The following ITGA3 variants were observed in gnomAD, a reference collection of about 807,000 sequenced individuals.
The protein encoded by ITGA3 is integrin alpha-3.
In ITGA3, 70 loss-of-function variants were observed where a neutral mutation model predicts 131.1. The ratio of observed to expected loss-of-function variants is 0.53; its 90% CI spans 0.44 to 0.65. The LOEUF is 0.65. ITGA3 is among the 30% of genes least tolerant of loss of function. The pLI is 0.00. For missense variants in ITGA3, 1,098 were observed against 1,388.6 expected (o/e 0.79, Z 3.33); for synonymous variants, 537 against 571.6 (o/e 0.94, Z 0.86).
chr17:50,088,677 C>T (rs1909575729), intron 25 of ITGA3, among the ~76,000 whole-genome samples: 1 of 152,176 alleles, frequency 6.6e-6, no homozygotes, highest in South Asian at 2.1e-4. Flanking sequence ...TAAACCACAG[C>T]CATGTCCAGA....
intron 1 of ITGA3, among the ~76,000 whole-genome samples, chr17:50,059,418 C>T (rs1195319057): frequency 6.6e-6 from 1 of 152,152 alleles, no homozygotes; most frequent in Admixed American, 6.5e-5. Context: ...CTGGGAAGCC[C>T]AGGGCAGGGT....
Position 50,080,381 on chromosome 17 carries a change from T to C in ITGA3, c.2820+6T>C. On this transcript the variant is annotated splice_donor_region_variant and intron_variant, in intron 22 of 25. Transcript: ENST00000320031. Reference sequence around the variant, plus strand: ...GGAACAGCACCTTCATCGAGGTCAGTGCCTGGGTCTGAAGGTCTCTCCTAC... The same window carrying C: ...GGAACAGCACCTTCATCGAGGTCAGCGCCTGGGTCTGAAGGTCTCTCCTAC... 6.3e-7 allele frequency: 1 copy of C among 1,578,864 alleles called. No homozygotes were observed. Among genetic ancestry groups the C allele is most frequent in the Non-Finnish European group, 8.7e-7 (1 of 1,150,768 alleles).
rs1344563588 is a variant in ITGA3 at position 50,076,403 on chromosome 17, C to A, written c.1752C>A (p.Pro584=). The A allele has an allele frequency of 1.9e-6, 3 of 1,612,726 alleles. No homozygotes were observed. In the East Asian group the frequency reaches 6.7e-5, roughly 36 times the overall value. The change falls in exon 13 of 26, where the codon CCC becomes CCA. Residue 584 remains proline (P), a synonymous_variant. Transcript: ENST00000320031. The part of the protein sequence containing the change: ...YSLPLRMPDR[P]RLGLRSLDAY... ...TACCTTTGCGGATGCCCGATCGCCC[C>A]CGGCTGGGGCTGCGGTCCCTGGACG...
rs1362794303 is a variant in ITGA3 at position 50,077,117 on chromosome 17, G to T, written c.2066G>T (p.Arg689Leu). 1.9e-6 allele frequency: 3 copies of T among 1,545,482 alleles called. No homozygotes were observed. Among genetic ancestry groups the T allele is most frequent in the Admixed American group, 1.9e-5 (1 of 51,770 alleles). ...VPPALLLSSV[R>L]PPGACQANET... ...CCCGCCCTGCTGCTGTCCTCAGTGC[G>T]CCCCGTGAGTGCCCGCCGGCCGGCT... The change falls in exon 15 of 26, where the codon CGC becomes CTC. Residue 689 changes from arginine to leucine, a missense_variant. Around this residue, in one of 3 missense-constraint regions of ITGA3, gnomAD observed 699 missense variants for 829.2 expected, o/e 0.84. Coordinates refer to ENST00000320031, the MANE Select transcript of ITGA3 (RefSeq NM_002204.4).
Position 50,076,677 on chromosome 17 carries a change from A to G in ITGA3, c.1918A>G (p.Ser640Gly). The change falls in exon 14 of 26, where the codon AGC becomes GGC. Residue 640 changes from serine to glycine, a missense_variant. By Grantham distance (56) the Ser-to-Gly change is moderately conservative (BLOSUM62 0). Transcript: ENST00000320031. The part of the protein sequence containing the change: ...AFVSEQQQKL[S>G]RLQYSRDVRK... ...CGTGTCAGAGCAGCAGCAGAAGCTG[A>G]GCAGGTGGCTGTGGGCCGCCGGCCG... 1.2e-6 allele frequency: 2 copies of G among 1,610,244 alleles called. No homozygotes were observed. Among genetic ancestry groups the G allele is most frequent in the East Asian group, 2.2e-5 (1 of 44,716 alleles).
At chr17:50,075,788 G>A in intron 12 of ITGA3, 53 bp downstream of exon 12, 1 of 1,594,182 alleles carries the variant, frequency 6.3e-7, no homozygotes, top group South Asian at 1.1e-5. Context: ...TGGAGGAGGT[G>A]GCCAGTGTCC....
Position 50,064,419 on chromosome 17 carries a change from T to C in ITGA3, c.335-109T>C. 1 of 1,197,354 alleles carries C rather than the reference T, an allele frequency of 8.4e-7. No homozygotes were observed. Among genetic ancestry groups the C allele is most frequent in the Non-Finnish European group, 1.2e-6 (1 of 848,680 alleles). 74.2% of individuals were successfully genotyped at this position (1,197,354 alleles called of 1,614,324 possible). On this transcript the variant is annotated intron_variant, in intron 2 of 25. Coordinates refer to ENST00000320031, the MANE Select transcript of ITGA3 (RefSeq NM_002204.4). The surrounding 1 kb of genome is among the most constrained non-coding windows in gnomAD (Gnocchi z 4.4). ...GCTGGAGAAGGGGAGTTGGGAGGGCTGCCCTGTGGGTGGAGGGCCCAAGCG... is the reference window on the plus strand; with the variant it reads ...GCTGGAGAAGGGGAGTTGGGAGGGCCGCCCTGTGGGTGGAGGGCCCAAGCG...
Position 50,068,203 on chromosome 17 carries a change from AAC to A in ITGA3, c.566_567del (p.Thr189ArgfsTer47). The A allele has an allele frequency of 6.2e-7, 1 of 1,614,192 alleles. No homozygotes were observed. The highest frequency in any genetic ancestry group is 8.5e-7 in the Non-Finnish European group (1 of 1,180,044). ...CTACCACAACGAGATGTGCAATAGCAACACAGACTACCTGGAGACGGGCATGT... is the reference window on the plus strand; with the variant it reads ...CTACCACAACGAGATGTGCAATAGCAACAGACTACCTGGAGACGGGCATGT... Reference protein sequence around the residue: ...QTYHNEMCNSNTDYLETGMCQ... With the variant: ...QTYHNEMCNSXTDYLETGMCQ... On this transcript the variant is annotated frameshift_variant, in exon 4 of 26. Coordinates refer to ENST00000320031, the MANE Select transcript of ITGA3 (RefSeq NM_002204.4). LOFTEE classifies it high-confidence loss of function.
chr17:50,085,094 C>T (rs1909329456), intron 23 of ITGA3, among the ~76,000 whole-genome samples: 1 of 151,056 alleles, frequency 6.6e-6, no homozygotes, highest in Non-Finnish European at 1.5e-5. Context: ...CCCAGCTACT[C>T]AGGAGGCTGA....
chr17:50,088,018 C>T (rs1442288651), intron 24 of ITGA3, 149 bp downstream of exon 24: 1 of 1,291,554 alleles, frequency 7.7e-7, no homozygotes, highest in Admixed American at 2.7e-5. Context: ...CACCAGCTTA[C>T]AGTCTCACCC....
At chr17:50,060,488 C>G (rs554269527) in intron 1 of ITGA3, among the ~76,000 whole-genome samples, 3 of 152,278 alleles carry the variant, frequency 2.0e-5, no homozygotes, top group East Asian at 3.9e-4. Context: ...CTCTGAACTG[C>G]CCCAAGGGGA....
chr17:50,074,385 C>G, intron 9 of ITGA3, 63 bp from the exon 10 acceptor site: 1 of 1,599,198 alleles, frequency 6.3e-7, no homozygotes, highest in Middle Eastern at 1.7e-4. Flanking sequence ...AAGCCTGGGC[C>G]CCAACTCTGG....
rs1169565592 is a variant in ITGA3, at chr17:50,089,146, A to G, written c.*68A>G. The G allele has an allele frequency of 6.2e-7, 1 of 1,613,288 alleles. No individual in the cohort carries two copies. The highest frequency in any genetic ancestry group is 1.3e-5 in the African/African-American group (1 of 74,850). Reference sequence around the variant, plus strand: ...TAAGCGGACCCGCTATTATCAGATCATGCCCAAGTACCACGCAGTGCGGAT... The same window carrying G: ...TAAGCGGACCCGCTATTATCAGATCGTGCCCAAGTACCACGCAGTGCGGAT... On this transcript the variant is annotated 3_prime_UTR_variant, in exon 26 of 26. Coordinates refer to ENST00000320031, the MANE Select transcript of ITGA3 (RefSeq NM_002204.4).
chr17:50,073,259 T>G (rs928099570), intron 7 of ITGA3, among the ~76,000 whole-genome samples: 1 of 152,218 alleles, frequency 6.6e-6, no homozygotes, highest in Non-Finnish European at 1.5e-5. Flanking sequence ...CTTGACACTT[T>G]CAGTGAAGTT....
chr17:50,077,514 C>A, intron 16 of ITGA3, 67 bp downstream of exon 16: 1 of 1,243,354 alleles, frequency 8.0e-7, no homozygotes, highest in Non-Finnish European at 1.2e-6. Flanking sequence ...AGCTCCTTGT[C>A]CTTCCAGCCT....
In ITGA3 at chr17:50,064,027, G is replaced by T; in HGVS notation, c.207-50G>T. On this transcript the variant is annotated intron_variant, in intron 1 of 25. Transcript: ENST00000320031. The surrounding 1 kb of genome is among the most constrained non-coding windows in gnomAD (Gnocchi z 4.4). ...TTGAATAAATAACAAGTTGTTCCAA[G>T]TGGGGCTTGGGGAGTCTGAACCCGG... is the stretch of plus-strand genomic sequence containing the variant. 1 of 1,600,108 alleles carries T rather than the reference G, an allele frequency of 6.2e-7. No homozygotes were observed.
At chr17:50,077,926 T>TAGG in intron 16 of ITGA3, 120 bp from the exon 17 acceptor site, 1 of 759,460 alleles carries the variant, frequency 1.3e-6, no homozygotes, top group Non-Finnish European at 2.2e-6. Flanking sequence ...TCACCCAGAA[T>TAGG]AGGAGGAGGA....
rs762069696 is a variant in ITGA3 at position 50,074,470 on chromosome 17, G to A, written c.1405G>A (p.Val469Ile). The change falls in exon 10 of 26, where the codon GTC (valine) becomes ATC (isoleucine). Residue 469 changes from valine to isoleucine, a missense_variant. Val to Ile is a conservative substitution (Grantham distance 29). Around this residue, in one of 3 missense-constraint regions of ITGA3, gnomAD observed 699 missense variants for 829.2 expected, o/e 0.84. Coordinates refer to ENST00000320031, the MANE Select transcript of ITGA3 (RefSeq NM_002204.4). ...CAGGGCCCGGCCCGTCATCAACATC[G>A]TCCACAAGACCTTGGTGCCCAGGCC... ...LLRARPVINIVHKTLVPRPAV... is the reference protein window; with the variant it reads ...LLRARPVINIIHKTLVPRPAV... The A allele has an allele frequency of 2.0e-5, 33 of 1,613,900 alleles. No individual in the cohort carries two copies. Among genetic ancestry groups the A allele is most frequent in the Admixed American group, 6.7e-5 (4 of 59,992 alleles).
chr17:50,077,333 GC>G (rs749411445), intron 15 of ITGA3, 45 bp from the exon 16 acceptor site: 1 of 1,542,220 alleles, frequency 6.5e-7, no homozygotes, highest in African/African-American at 1.4e-5. Context: ...GGGAGGACAA[GC>G]CCTACTTTGA....
Sources: gnomAD v4.1 joint callset for allele counts (sites outside exome capture counted in the v4.1 genomes callset) on GRCh38, gnomAD v4.1.1 for gene constraint, gnomAD v4.1.1 regional missense constraint, Gnocchi (gnomAD v3.1) non-coding constraint, MANE v1.5 for transcripts, NCBI Gene and HGNC (gene_info 2026-07-23, HGNC 2026-07-21) for gene names.